CLSTN1: variants seen among roughly 807,000 people sequenced by gnomAD.
CLSTN1 encodes the protein calsyntenin 1.
A neutral mutation model predicts 108.3 loss-of-function variants in CLSTN1; 28 were observed. The ratio of observed to expected loss-of-function variants is 0.26; its 90% confidence interval spans 0.19 to 0.35. The LOEUF is 0.35. CLSTN1 is among the 10% of genes least tolerant of loss of function. CLSTN1 has a pLI of 1.00. For missense variants in CLSTN1, 1,157 were observed against 1,302.6 expected (o/e 0.89, Z 1.72); for synonymous variants, 524 against 534.9 (o/e 0.98, Z 0.28).
rs756818423 is a variant in CLSTN1 at position 9,731,777 on chromosome 1, G to A, written c.2547C>T (p.Asn849=). ...FVDLSGHNLA[N]PHPFAVVPST... ...ATGTCCTACCTGCGAACGGGTGGGG[G>A]TTGGCCAGGTTGTGGCCTGACAGGT... Residue 849 remains asparagine, a synonymous_variant, in exon 17 of 19, where the codon AAC becomes AAT. Transcript: ENST00000377298. 1.1e-5 allele frequency: 17 copies of A among 1,614,114 alleles called. No individual in the cohort carries two copies. Among genetic ancestry groups the A allele is most frequent in the Non-Finnish European group, 1.4e-5 (16 of 1,180,052 alleles).
intron 1 of CLSTN1, among the ~76,000 whole-genome samples, chr1:9,803,668 T>A (rs1233267817): frequency 1.3e-5 from 2 of 151,840 alleles, no homozygotes; most frequent in Non-Finnish European, 2.9e-5. Context: ...CTGGGTGTGG[T>A]GGTATATGCC....
At chr1:9,801,335 A>G (rs1654254549) in intron 1 of CLSTN1, among the ~76,000 whole-genome samples, 1 of 152,198 alleles carries the variant, frequency 6.6e-6, no homozygotes, top group Non-Finnish European at 1.5e-5. Flanking sequence ...TGGAAGATAC[A>G]ATCTGCCAAA....
In CLSTN1 at chr1:9,734,028, C is replaced by T. The variant is rs769318735; in HGVS notation, c.2225G>A (p.Arg742His). 2.1e-5 allele frequency: 34 copies of T among 1,614,152 alleles called. No homozygotes were observed. In the East Asian group the frequency reaches 2.5e-4, roughly 12 times the overall value. Residue 742 changes from arginine to histidine, a missense_variant, in exon 15 of 19, where the codon CGC becomes CAC. Arg to His is a conservative substitution (Grantham distance 29, BLOSUM62 0). Coordinates refer to ENST00000377298, the MANE Select transcript of CLSTN1 (RefSeq NM_001009566.3). This position sits in a 1 kb window ranked among gnomAD's most constrained non-coding sequence, Gnocchi z 4.8. ...CACTTCAATGCCCTTCTGCTGCAGG[C>T]GGGCCATGTCCACCTCCAGGCTCTC... ...EQESLEVDMA[R>H]LQQKGIEVSS...
At chr1:9,732,899 C>T (rs981503871) in intron 16 of CLSTN1, among the ~76,000 whole-genome samples, 2 of 152,228 alleles carry the variant, frequency 1.3e-5, no homozygotes, top group African/African-American at 4.8e-5. Flanking sequence ...CTTTCTAAAA[C>T]AGTGTCTTTG....
chr1:9,799,172 C>G (rs1344440969), intron 1 of CLSTN1, among the ~76,000 whole-genome samples: 1 of 151,922 alleles, frequency 6.6e-6, no homozygotes, highest in Non-Finnish European at 1.5e-5. Flanking sequence ...CAGAGCAAGA[C>G]CCTGTCTCAA....
chr1:9,788,440 C>T (rs1653596136), intron 1 of CLSTN1, among the ~76,000 whole-genome samples: 1 of 150,918 alleles, frequency 6.6e-6, no homozygotes, highest in Non-Finnish European at 1.5e-5. Flanking sequence ...GCATGGTAGT[C>T]CATGCTAATT....
intron 1 of CLSTN1, among the ~76,000 whole-genome samples, chr1:9,819,781 C>G (rs994986535): frequency 1.3e-5 from 2 of 152,152 alleles, no homozygotes; most frequent in African/African-American, 2.4e-5. Flanking sequence ...ATGTTATTTA[C>G]TTTCAGTATT....
intron 1 of CLSTN1, among the ~76,000 whole-genome samples, chr1:9,806,748 G>T (rs969858894): frequency 5.3e-5 from 8 of 151,832 alleles, no homozygotes; most frequent in African/African-American, 1.9e-4. Context: ...GCGTGGTGGC[G>T]GGCACCTGTA....
chr1:9,728,952 G>A lies in CLSTN1; in HGVS notation c.*1556C>T, dbSNP rs561755558. On this transcript the variant is annotated 3_prime_UTR_variant, in exon 19 of 19. Coordinates refer to ENST00000377298, the MANE Select transcript of CLSTN1 (RefSeq NM_001009566.3). ...CCTTTTTATGTTCTTTTATGTTCTCGGCTCAAAAAGAAACAAGGGAGTGTA... is the reference window on the plus strand; with the variant it reads ...CCTTTTTATGTTCTTTTATGTTCTCAGCTCAAAAAGAAACAAGGGAGTGTA... 1 of 152,120 alleles carries A rather than the reference G, an allele frequency of 6.6e-6. No individual in the cohort carries two copies. Among genetic ancestry groups the A allele is most frequent in the Non-Finnish European group, 1.5e-5 (1 of 68,024 alleles). 9.4% of individuals were successfully genotyped at this position (152,120 alleles called of 1,614,324 possible).
At chr1:9,748,342 G>A (rs1651382484) in intron 7 of CLSTN1, among the ~76,000 whole-genome samples, 1 of 152,146 alleles carries the variant, frequency 6.6e-6, no homozygotes, top group Non-Finnish European at 1.5e-5. Flanking sequence ...TAGCCTTCTG[G>A]TGGGTTTCCC....
Position 9,755,152 on chromosome 1 carries a change from C to G in CLSTN1, c.402G>C (p.Gly134=). ...YSFTIQAYDC[G]KGPDGTNVKK... ...TCACGTTGGTGCCATCAGGTCCCTTCCCACAATCATAGGCCTGGATGGTGA... is the reference window on the plus strand; with the variant it reads ...TCACGTTGGTGCCATCAGGTCCCTTGCCACAATCATAGGCCTGGATGGTGA... Residue 134 remains glycine (G), a synonymous_variant, in exon 4 of 19, where the codon GGG becomes GGC. Coordinates refer to ENST00000377298, the MANE Select transcript of CLSTN1 (RefSeq NM_001009566.3). 1 of 1,613,738 alleles carries G rather than the reference C, an allele frequency of 6.2e-7. No individual in the cohort carries two copies. The highest frequency in any genetic ancestry group is 8.5e-7 in the Non-Finnish European group (1 of 1,179,744).
Position 9,823,529 on chromosome 1 carries a change from G to T in CLSTN1, c.91+114C>A. ...TCCCCGCATCCCGGCTCGAATCCCG[G>T]CATCCGGCCCTACTCCCGCACCCGG... On this transcript the variant is annotated intron_variant, in intron 1 of 18. Coordinates refer to ENST00000377298, the MANE Select transcript of CLSTN1 (RefSeq NM_001009566.3). The surrounding 1 kb of genome is among the most constrained non-coding windows in gnomAD (Gnocchi z 6.3). The T allele has an allele frequency of 5.2e-6, 3 of 579,578 alleles. No individual in the cohort carries two copies. The highest frequency in any genetic ancestry group is 3.4e-4 in the Middle Eastern group (1 of 2,946). The allele number at this position is 579,578 out of a possible 1,614,324, so 35.9% of individuals were successfully genotyped here.
chr1:9,809,826 G>A (rs1654655042), intron 1 of CLSTN1, among the ~76,000 whole-genome samples: 1 of 147,952 alleles, frequency 6.8e-6, no homozygotes, highest in Non-Finnish European at 1.5e-5. Flanking sequence ...GCTGGAACCT[G>A]GGGGACAGAG....
chr1:9,765,832 G>A (rs1362695820), intron 2 of CLSTN1, among the ~76,000 whole-genome samples: 3 of 152,010 alleles, frequency 2.0e-5, no homozygotes, highest in South Asian at 2.1e-4. Flanking sequence ...AGCCAAGATC[G>A]CGCCACTGCA....
chr1:9,793,844 A>G lies in CLSTN1; in HGVS notation c.92-20450T>C, dbSNP rs146257551. On this transcript the variant is annotated intron_variant, in intron 1 of 18. Transcript: ENST00000377298. ...ATTTCCCACAGGCAAAACAGTGCAA[A>G]GTTGGGAATATCTTCAGTGGTACCC... 3.8e-4 allele frequency among the ~76,000 whole-genome samples: 58 copies of G among 151,586 alleles called. 1 individual carries two copies. Among genetic ancestry groups the G allele is most frequent in the African/African-American group, 1.2e-3 (48 of 41,532 alleles).
Position 9,744,448 on chromosome 1 carries a change from T to C in CLSTN1, c.1181A>G (p.His394Arg). The stretch of plus-strand genomic sequence containing the variant: ...CTCCTTCTTCCTGCCGAATGGCCCA[T>C]GTCTCATCCACACCGAGATGGTGAA... ...EPFTISVWMR[H>R]GPFGRKKETI... Residue 394 changes from histidine to arginine, a missense_variant, in exon 8 of 19, where the codon CAT becomes CGT. Physicochemically the swap from His to Arg is conservative, Grantham distance 29. Coordinates refer to ENST00000377298, the MANE Select transcript of CLSTN1 (RefSeq NM_001009566.3). 2.5e-6 allele frequency: 4 copies of C among 1,610,622 alleles called. No individual in the cohort carries two copies. Among genetic ancestry groups the C allele is most frequent in the East Asian group, 2.2e-5 (1 of 44,858 alleles).
In CLSTN1 at chr1:9,731,488, C is replaced by A. The variant is rs72871220; in HGVS notation, c.2564-98G>T. Reference sequence around the variant, plus strand: ...CTGTGCCTGGTCAAAACGGGCTGGACAGCACGCTTCAGCTGAACCCACAGG... The same window carrying A: ...CTGTGCCTGGTCAAAACGGGCTGGAAAGCACGCTTCAGCTGAACCCACAGG... On this transcript the variant is annotated intron_variant, in intron 17 of 18. Transcript: ENST00000377298. The A allele has an allele frequency of 3.9e-3, 4,960 of 1,258,950 alleles. 136 individuals carry two copies. The African/African-American group carries it at 0.065, about 17-fold the overall frequency. The allele number at this position is 1,258,950 out of a possible 1,614,324, so 78.0% of individuals were successfully genotyped here.
rs376755262 is a variant in CLSTN1, at chr1:9,758,964, A to T, written c.215-2454T>A. Among the ~76,000 whole-genome samples, 5 of 152,198 alleles carry T rather than the reference A, an allele frequency of 3.3e-5. No homozygotes were observed. The East Asian group carries it at 9.6e-4, about 29-fold the overall frequency. On this transcript the variant is annotated intron_variant, in intron 2 of 18. Coordinates refer to ENST00000377298, the MANE Select transcript of CLSTN1 (RefSeq NM_001009566.3). ...TAGCCATGTGGGGCTGTTCAAATGC[A>T]AATGAAAATTCAAGCTAAAAATCAA... is the stretch of plus-strand genomic sequence containing the variant.
At chr1:9,784,936 A>T (rs565887435) in intron 1 of CLSTN1, among the ~76,000 whole-genome samples, 204 of 152,264 alleles carry the variant, frequency 1.3e-3, no homozygotes, top group Non-Finnish European at 2.5e-3. Context: ...ACAGTTTTAA[A>T]ATCAAAATAT....
Sources: gnomAD v4.1 joint callset for allele counts (sites outside exome capture counted in the v4.1 genomes callset) on GRCh38, gnomAD v4.1.1 for gene constraint, Gnocchi (gnomAD v3.1) non-coding constraint, MANE v1.5 for transcripts, NCBI Gene and HGNC (gene_info 2026-07-23, HGNC 2026-07-21) for gene names.